Variants in CDH18 observed in about 807,000 individuals in gnomAD.
The protein encoded by CDH18 is cadherin-18.
CDH18 carries 31 observed loss-of-function variants against 67.9 expected under a neutral mutation model. The ratio of observed to expected loss-of-function variants is 0.46; its 90% CI spans 0.34 to 0.62. CDH18 has a LOEUF of 0.62. CDH18 is among the 20% of genes least tolerant of loss of function. The pLI is 0.01. For missense variants in CDH18, 890 were observed against 975.5 expected, an observed-to-expected ratio of 0.91 and a Z score of 1.17; for synonymous variants, 362 against 347.2, an observed-to-expected ratio of 1.04 and a Z score of -0.48.
intron 4 of CDH18, among the ~76,000 whole-genome samples, chr5:19,730,399 T>C (rs562856238): frequency 6.6e-6 from 1 of 152,344 alleles, no homozygotes; most frequent in South Asian, 2.1e-4. Context: ...TTAGGTTCTA[T>C]ATTTGATGCT....
chr5:20,027,828 T>C (rs535651374), intron 2 of CDH18, among the ~76,000 whole-genome samples: 2 of 152,334 alleles, frequency 1.3e-5, no homozygotes, highest in African/African-American at 4.8e-5. Flanking sequence ...ATAGGGTTGC[T>C]AAGCATCAAG....
chr5:19,947,401 T>TG (rs1795368277), intron 2 of CDH18, among the ~76,000 whole-genome samples: 1 of 151,812 alleles, frequency 6.6e-6, no homozygotes, highest in South Asian at 2.1e-4. Context: ...CTTCAGGATA[T>TG]ATATAGGCAT....
intron 7 of CDH18, 140 bp downstream of exon 7, chr5:19,590,917 A>G: frequency 1.8e-6 from 1 of 544,462 alleles, no homozygotes; most frequent in East Asian, 2.9e-5. Context: ...AACAACAATT[A>G]AAATGTAATT....
At chr5:19,912,963 T>G (rs953020268) in intron 2 of CDH18, among the ~76,000 whole-genome samples, 3 of 152,094 alleles carry the variant, frequency 2.0e-5, no homozygotes, top group African/African-American at 7.2e-5. Flanking sequence ...TCTTAGAGAC[T>G]ATGAGAAGGC....
At chr5:20,373,998 T>A (rs1743216010) in intron 1 of CDH18, among the ~76,000 whole-genome samples, 1 of 152,078 alleles carries the variant, frequency 6.6e-6, no homozygotes, top group Admixed American at 6.6e-5. Flanking sequence ...AACATAATAT[T>A]TAAGAAACAA....
At chr5:19,628,315 A>G (rs975751250) in intron 5 of CDH18, among the ~76,000 whole-genome samples, 1 of 152,142 alleles carries the variant, frequency 6.6e-6, no homozygotes, top group Admixed American at 6.6e-5. Context: ...TAAATTGCAC[A>G]GTCTTGGGTA....
At chr5:19,484,859 C>T (rs1441802010) in intron 11 of CDH18, among the ~76,000 whole-genome samples, 2 of 152,306 alleles carry the variant, frequency 1.3e-5, no homozygotes, top group East Asian at 3.9e-4. Context: ...CAATTCAACT[C>T]CAGGGAACTC....
intron 2 of CDH18, among the ~76,000 whole-genome samples, chr5:20,030,661 G>T (rs1045959311): frequency 5.9e-5 from 9 of 152,100 alleles, no homozygotes; most frequent in African/African-American, 1.9e-4. Context: ...AGGACATAAA[G>T]AATTTAGACA....
At chr5:19,746,028 A>T (rs1219391935) in intron 4 of CDH18, among the ~76,000 whole-genome samples, 4 of 152,186 alleles carry the variant, frequency 2.6e-5, no homozygotes, top group South Asian at 2.1e-4. Flanking sequence ...CATATGCAGT[A>T]AAATTAAATA....
intron 1 of CDH18, among the ~76,000 whole-genome samples, chr5:20,422,452 CT>C (rs1747937062): frequency 6.6e-6 from 1 of 150,742 alleles, no homozygotes; most frequent in Non-Finnish European, 1.5e-5. Flanking sequence ...AGGTGTAGTT[CT>C]ATACCTACTT....
intron 1 of CDH18, among the ~76,000 whole-genome samples, chr5:20,286,535 G>A (rs959678757): frequency 2.0e-5 from 3 of 151,598 alleles, no homozygotes; most frequent in Non-Finnish European, 4.4e-5. Context: ...CTTGGTACTT[G>A]GAGCTATTTT....
intron 3 of CDH18, among the ~76,000 whole-genome samples, chr5:19,761,563 A>C (rs943793433): frequency 1.0e-4 from 15 of 144,604 alleles, no homozygotes; most frequent in South Asian, 2.1e-4. Context: ...GCAGAAACCC[A>C]AAAAAAAACT....
intron 2 of CDH18, among the ~76,000 whole-genome samples, chr5:19,851,229 T>C (rs1337027159): frequency 6.6e-6 from 1 of 151,780 alleles, no homozygotes; most frequent in Non-Finnish European, 1.5e-5. Context: ...TGATATAACT[T>C]TGTCGGGAAT....
intron 1 of CDH18, among the ~76,000 whole-genome samples, chr5:20,524,736 A>C (rs1045576950): frequency 6.6e-6 from 1 of 152,160 alleles, no homozygotes; most frequent in Non-Finnish European, 1.5e-5. Flanking sequence ...TGTTGAGAAG[A>C]AAAGGGTTTT....
chr5:19,823,201 T>C (rs759889335), intron 3 of CDH18, among the ~76,000 whole-genome samples: 43 of 152,296 alleles, frequency 2.8e-4, no homozygotes, highest in East Asian at 9.7e-4. Flanking sequence ...CACAACAATT[T>C]GTGCAGTTAA....
intron 1 of CDH18, among the ~76,000 whole-genome samples, chr5:20,336,954 G>A (rs1205992736): frequency 6.6e-6 from 1 of 151,946 alleles, no homozygotes; most frequent in African/African-American, 2.4e-5. Flanking sequence ...ACTCACTCTG[G>A]CCAACCCCAG....
intron 1 of CDH18, among the ~76,000 whole-genome samples, chr5:20,554,911 T>A (rs994085192): frequency 6.6e-6 from 1 of 152,166 alleles, no homozygotes; most frequent in Non-Finnish European, 1.5e-5. Context: ...TAAATGAAGA[T>A]AGAGATATGT....
At chr5:20,198,797 T>C (rs916784841) in intron 2 of CDH18, among the ~76,000 whole-genome samples, 1 of 152,162 alleles carries the variant, frequency 6.6e-6, no homozygotes, top group African/African-American at 2.4e-5. Flanking sequence ...GCCTGCTGTG[T>C]GCAGCCCAGG....
intron 11 of CDH18, among the ~76,000 whole-genome samples, chr5:19,501,475 G>A (rs563267744): frequency 7.1e-6 from 1 of 140,896 alleles, no homozygotes; most frequent in African/African-American, 2.6e-5. Context: ...CAAAAAACTA[G>A]CCAGGCATGG....
Sources: allele counts gnomAD v4.1 joint callset (sites outside exome capture counted in the v4.1 genomes callset), GRCh38; gene constraint gnomAD v4.1.1; transcripts MANE v1.5; gene names NCBI Gene and HGNC (gene_info 2026-07-23, HGNC 2026-07-21).